Variants in FAM13A observed in about 807,000 individuals in gnomAD.
FAM13A encodes protein FAM13A.
Under a neutral mutation model 129.6 loss-of-function variants are expected in FAM13A, and 76 were observed. The ratio of observed to expected loss-of-function variants is 0.59; its 90% CI spans 0.49 to 0.71. The LOEUF is 0.71. Ranked by LOEUF, FAM13A falls within the 30% of genes least tolerant of loss-of-function variation. The pLI, the probability that FAM13A is intolerant of heterozygous loss-of-function variation, is 0.00. For synonymous variants in FAM13A, 443 were observed against 449.9 expected, an observed-to-expected ratio of 0.98 and a Z score of 0.20; for missense variants, 1,108 against 1,249.3, an observed-to-expected ratio of 0.89 and a Z score of 1.70.
rs1330740732 is a variant in FAM13A, at chr4:88,726,342, A to ACATCT, written c.*2186_*2190dup. On this transcript the variant is annotated 3_prime_UTR_variant, in exon 24 of 24. Coordinates refer to ENST00000264344, the MANE Select transcript of FAM13A (RefSeq NM_014883.4). ...AGTGGAAATTACAAAGGAAAACACA[A>ACATCT]CATCTCATACACAATTTATTTTATA... The ACATCT allele has an allele frequency of 2.0e-5, 3 of 151,958 alleles. No homozygotes were observed. The highest frequency in any genetic ancestry group is 4.9e-5 in the African/African-American group (2 of 41,236). 9.4% of individuals were successfully genotyped at this position (151,958 alleles called of 1,614,324 possible). A position where few individuals can be genotyped will look rare whatever the true frequency, so the allele number is the denominator to read the frequency against.
intron 4 of FAM13A, among the ~76,000 whole-genome samples, chr4:88,942,715 T>A (rs1754985117): frequency 6.6e-6 from 1 of 152,178 alleles, no homozygotes; most frequent in Admixed American, 6.5e-5. Context: ...TGACTCCTAC[T>A]GCTCCCTTCT....
chr4:88,779,295 C>A (rs1159578130), intron 11 of FAM13A, among the ~76,000 whole-genome samples: 1 of 151,840 alleles, frequency 6.6e-6, no homozygotes, highest in African/African-American at 2.4e-5. Context: ...TTAAAATGGG[C>A]TAGGGAAAGG....
intron 5 of FAM13A, among the ~76,000 whole-genome samples, chr4:88,920,564 C>T (rs1178444415): frequency 6.6e-6 from 1 of 152,120 alleles, no homozygotes; most frequent in Non-Finnish European, 1.5e-5. Context: ...TCGCCATCAT[C>T]AAAGACCAAA....
At chr4:88,886,166 G>T (rs1434890952) in intron 6 of FAM13A, among the ~76,000 whole-genome samples, 1 of 152,190 alleles carries the variant, frequency 6.6e-6, no homozygotes, top group Non-Finnish European at 1.5e-5. Flanking sequence ...CCACTACTGG[G>T]TATCTACCCA....
intron 3 of FAM13A, among the ~76,000 whole-genome samples, chr4:89,015,891 C>T (rs1040438958): frequency 1.3e-5 from 2 of 151,896 alleles, no homozygotes; most frequent in African/African-American, 4.8e-5. Context: ...CTATAACAGA[C>T]TTAGATACAC....
At chr4:88,739,190 A>G in intron 19 of FAM13A, 65 bp from the exon 20 acceptor site, 1 of 1,056,094 alleles carries the variant, frequency 9.5e-7, no homozygotes, top group Admixed American at 1.7e-5. Flanking sequence ...CTGTCTAAGC[A>G]TGCTCTGGGC....
intron 7 of FAM13A, among the ~76,000 whole-genome samples, chr4:88,824,856 C>T (rs1310435590): frequency 3.3e-5 from 5 of 151,880 alleles, no homozygotes; most frequent in East Asian, 1.9e-4. Context: ...TACAGGCGCC[C>T]GCCACCATGA....
chr4:88,921,541 C>T (rs1579288390), intron 5 of FAM13A, among the ~76,000 whole-genome samples: 1 of 152,168 alleles, frequency 6.6e-6, no homozygotes, highest in African/African-American at 2.4e-5. Context: ...TAAAAGAGCT[C>T]CTGAAGGAAG....
intron 4 of FAM13A, among the ~76,000 whole-genome samples, chr4:88,972,620 G>A (rs372080809): frequency 6.6e-6 from 1 of 150,482 alleles, no homozygotes; most frequent in Non-Finnish European, 1.5e-5. Context: ...CTTTTTTTTG[G>A]GGGGGAGAAC....
At chr4:88,943,338 T>C (rs1225867158) in intron 4 of FAM13A, among the ~76,000 whole-genome samples, 1 of 152,222 alleles carries the variant, frequency 6.6e-6, no homozygotes, top group Non-Finnish European at 1.5e-5. Flanking sequence ...AAGTAAGAAA[T>C]GATGTTTAAT....
At chr4:88,737,013 T>TTA (rs938081400) in intron 21 of FAM13A, among the ~76,000 whole-genome samples, 12 of 152,154 alleles carry the variant, frequency 7.9e-5, no homozygotes, top group Non-Finnish European at 1.6e-4. Context: ...TTTTATATGT[T>TTA]TATATATATA....
intron 13 of FAM13A, among the ~76,000 whole-genome samples, chr4:88,760,725 A>G (rs189553381): frequency 3.8e-4 from 58 of 152,134 alleles, no homozygotes; most frequent in African/African-American, 1.3e-3. Context: ...TGTCACAAAA[A>G]GTATTTTTCC....
At chr4:88,779,201 T>A (rs773351048) in intron 11 of FAM13A, among the ~76,000 whole-genome samples, 6 of 152,222 alleles carry the variant, frequency 3.9e-5, no homozygotes, top group Non-Finnish European at 5.9e-5. Context: ...GGATCTAAAC[T>A]ATTTCCTGCC....
At chr4:89,025,055 C>T (rs1217454863) in intron 2 of FAM13A, among the ~76,000 whole-genome samples, 1 of 152,002 alleles carries the variant, frequency 6.6e-6, no homozygotes, top group Non-Finnish European at 1.5e-5. Flanking sequence ...AAAATCAATC[C>T]CTAATTTAAA....
chr4:88,835,475 G>A (rs950826279), intron 7 of FAM13A, among the ~76,000 whole-genome samples: 1 of 152,090 alleles, frequency 6.6e-6, no homozygotes, highest in Non-Finnish European at 1.5e-5. Flanking sequence ...ACTAGGGGGT[G>A]GGTAGTTTCA....
chr4:88,752,136 C>A (rs1742756936), intron 14 of FAM13A, among the ~76,000 whole-genome samples: 1 of 152,156 alleles, frequency 6.6e-6, no homozygotes, highest in African/African-American at 2.4e-5. Flanking sequence ...CTATCCAAGT[C>A]AACAATATTT....
chr4:88,730,995 T>C lies in FAM13A; in HGVS notation c.2945+332A>G, dbSNP rs7687435. The stretch of plus-strand genomic sequence containing the variant: ...CCTCTAGCTTCTTAAGAAAAAAGCG[T>C]TGGTGCCACCACCAGCGGGAAACGC... On this transcript the variant is annotated intron_variant, in intron 23 of 23. Coordinates refer to ENST00000264344, the MANE Select transcript of FAM13A (RefSeq NM_014883.4). 5.5e-3 allele frequency among the ~76,000 whole-genome samples: 837 copies of C among 152,216 alleles called. 6 individuals carry two copies. Among genetic ancestry groups the C allele is most frequent in the African/African-American group, 0.018 (732 of 41,552 alleles).
chr4:88,877,190 G>A (rs1055914876), intron 6 of FAM13A, among the ~76,000 whole-genome samples: 7 of 152,212 alleles, frequency 4.6e-5, no homozygotes, highest in Middle Eastern at 3.4e-3. Flanking sequence ...AACTGATACC[G>A]TTATGTTTTT....
intron 9 of FAM13A, among the ~76,000 whole-genome samples, chr4:88,788,523 T>G (rs932378498): frequency 6.6e-6 from 1 of 152,150 alleles, no homozygotes; most frequent in African/African-American, 2.4e-5. Context: ...TGTTTATAAT[T>G]AAAGCTGTAT....
Sources: gnomAD v4.1 joint callset for allele counts (sites outside exome capture counted in the v4.1 genomes callset) on GRCh38, gnomAD v4.1.1 for gene constraint, MANE v1.5 for transcripts, NCBI Gene and HGNC (gene_info 2026-07-23, HGNC 2026-07-21) for gene names.